The following TMEM116 variants were observed in gnomAD, a reference collection of about 807,000 sequenced individuals.
TMEM116 encodes transmembrane protein 116.
TMEM116 carries 38 observed loss-of-function variants against 44.3 expected under a neutral mutation model. That is an observed-to-expected ratio of 0.86 (90% CI 0.66 to 1.12). The LOEUF is 1.12. Among genes scored for constraint, TMEM116 ranks in the 50% most tolerant of loss-of-function variants. TMEM116 has a pLI of 0.00. For missense variants in TMEM116, 354 were observed against 401.7 expected, an observed-to-expected ratio of 0.88 and a Z score of 1.01; for synonymous variants, 132 against 144.8, an observed-to-expected ratio of 0.91 and a Z score of 0.64.
intron 4 of TMEM116, among the ~76,000 whole-genome samples, chr12:111,949,024 G>A (rs911289422): frequency 2.6e-5 from 4 of 152,138 alleles, no homozygotes; most frequent in East Asian, 1.9e-4. Context: ...GGGGTGGCGG[G>A]GGTTGCTTGA....
intron 4 of TMEM116, among the ~76,000 whole-genome samples, chr12:111,958,482 G>A (rs1441559754): frequency 6.6e-6 from 1 of 152,012 alleles, no homozygotes; most frequent in African/African-American, 2.4e-5. Context: ...GAACAAAACT[G>A]GATGGAGAAT....
intron 5 of TMEM116, among the ~76,000 whole-genome samples, chr12:111,938,782 C>T (rs1337254958): frequency 6.6e-6 from 1 of 152,138 alleles, no homozygotes; most frequent in Non-Finnish European, 1.5e-5. Context: ...TGTAAAACAA[C>T]TTACAGAATA....
chr12:111,977,066 C>G (rs185245200), intron 4 of TMEM116, among the ~76,000 whole-genome samples: 2 of 152,160 alleles, frequency 1.3e-5, no homozygotes, highest in African/African-American at 2.4e-5. Context: ...GTAATAATGA[C>G]TCAGGATTTT....
At chr12:112,005,587 C>T in intron 1 of TMEM116, 1 of 574,510 alleles carries the variant, frequency 1.7e-6, no homozygotes, top group Non-Finnish European at 2.2e-6. Flanking sequence ...ACTAGCCAGG[C>T]ACTGAGGCTC....
intron 1 of TMEM116, among the ~76,000 whole-genome samples, chr12:112,007,583 G>A (rs2077651807): frequency 6.6e-6 from 1 of 152,128 alleles, no homozygotes; most frequent in African/African-American, 2.4e-5. Flanking sequence ...TTCTAGATCA[G>A]AAATCCCCAG....
chr12:111,999,953 A>G (rs1371667630), intron 3 of TMEM116, among the ~76,000 whole-genome samples: 1 of 152,214 alleles, frequency 6.6e-6, no homozygotes, highest in Non-Finnish European at 1.5e-5. Context: ...TTGCAGGCTA[A>G]TATTTATGCT....
At chr12:111,978,427 T>C (rs1011452941) in intron 4 of TMEM116, among the ~76,000 whole-genome samples, 2 of 151,974 alleles carry the variant, frequency 1.3e-5, no homozygotes, top group African/African-American at 2.4e-5. Context: ...CCCATCTATA[T>C]GTTGTCTACA....
intron 3 of TMEM116, chr12:111,993,609 A>G (rs1414146579): frequency 3.7e-6 from 2 of 546,850 alleles, no homozygotes; most frequent in Non-Finnish European, 7.1e-6. Flanking sequence ...ATAAGGAAGA[A>G]GGCCTAAAAA....
chr12:112,009,683 C>CA (rs774025829), intron 1 of TMEM116, among the ~76,000 whole-genome samples: 2,893 of 138,478 alleles, frequency 0.021, 37 homozygotes, highest in African/African-American at 0.046. Context: ...ACTAAAAATA[C>CA]AAAAAAAAAA....
In TMEM116 at chr12:111,938,183, G is replaced by C; in HGVS notation, c.343C>G (p.Gln115Glu). ...TACCTTGAGAAAACAAAGGCCATTT[G>C]ACAAACTCGACAAGTATAATCTATC... is the stretch of plus-strand genomic sequence containing the variant. Reference protein sequence around the residue: ...LVIDYTCRVCQMAFVFSSLIP... With the variant: ...LVIDYTCRVCEMAFVFSSLIP... Residue 115 changes from glutamine to glutamate, a missense_variant, in exon 6 of 11, where the codon CAA becomes GAA. Transcript: ENST00000552374. The C allele has an allele frequency of 6.3e-7, 1 of 1,597,694 alleles. No homozygotes were observed.
At chr12:111,935,972 A>G (rs954971976) in intron 8 of TMEM116, 2 of 152,150 alleles carry the variant, frequency 1.3e-5, no homozygotes, top group African/African-American at 2.4e-5. Context: ...TTATGTTTGA[A>G]TTGCCAAAGG....
chr12:111,965,742 G>T, intron 4 of TMEM116: 1 of 388,988 alleles, frequency 2.6e-6, no homozygotes, highest in Non-Finnish European at 5.1e-6. Flanking sequence ...TGGCAAACAT[G>T]GCGAAACCCC....
At chr12:111,951,318 A>G (rs1396742530) in intron 4 of TMEM116, among the ~76,000 whole-genome samples, 1 of 152,278 alleles carries the variant, frequency 6.6e-6, no homozygotes, top group Non-Finnish European at 1.5e-5. Context: ...ATTACTGGGT[A>G]TGTGCCCAAA....
intron 4 of TMEM116, among the ~76,000 whole-genome samples, chr12:111,957,205 A>G (rs907308229): frequency 1.8e-4 from 26 of 146,070 alleles, no homozygotes; most frequent in African/African-American, 6.4e-4. Flanking sequence ...CTGGCCGCCC[A>G]TCATCTGGGA....
chr12:111,968,998 A>AC (rs2075151827), intron 4 of TMEM116, among the ~76,000 whole-genome samples: 1 of 150,224 alleles, frequency 6.7e-6, no homozygotes, highest in African/African-American at 2.4e-5. Flanking sequence ...ATCTCAAAAA[A>AC]AAAAAAAAAA....
chr12:111,956,835 A>G (rs2074132230), intron 4 of TMEM116, among the ~76,000 whole-genome samples: 1 of 152,120 alleles, frequency 6.6e-6, no homozygotes, highest in Non-Finnish European at 1.5e-5. Context: ...CCCAGGCTGG[A>G]GTGAGTGGCG....
In TMEM116 at chr12:111,936,833, AG is replaced by A; in HGVS notation, c.450-4del. 2 of 1,588,292 alleles carry A rather than the reference AG, an allele frequency of 1.3e-6. No individual in the cohort carries two copies. The highest frequency in any genetic ancestry group is 8.6e-7 in the Non-Finnish European group (1 of 1,169,250). The stretch of plus-strand genomic sequence containing the variant: ...GTGGTGAGTGCATCAAGATACACCT[AG>A]GAAGAAAATCAATAAACAGGAGTAC... On this transcript the variant is annotated splice_region_variant and splice_polypyrimidine_tract_variant and intron_variant, in intron 7 of 10. Transcript: ENST00000552374.
At chr12:111,954,758 G>A (rs973811081) in intron 4 of TMEM116, among the ~76,000 whole-genome samples, 13 of 152,140 alleles carry the variant, frequency 8.5e-5, no homozygotes, top group African/African-American at 2.2e-4. Context: ...GAAATAAAAC[G>A]GTTCACTAAG....
intron 5 of TMEM116, among the ~76,000 whole-genome samples, chr12:111,940,540 TATATAC>T (rs766882852): frequency 0.011 from 1,208 of 105,728 alleles, 28 homozygotes; most frequent in African/African-American, 0.058. Context: ...TATATATATA[TATATAC>T]ACACACACAT....
Sources: gnomAD v4.1 joint callset for allele counts (sites outside exome capture counted in the v4.1 genomes callset) on GRCh38, gnomAD v4.1.1 for gene constraint, MANE v1.5 for transcripts, NCBI Gene and HGNC (gene_info 2026-07-23, HGNC 2026-07-21) for gene names.